TMC7: variants seen among roughly 807,000 people sequenced by gnomAD.
TMC7 encodes transmembrane channel like 7.
In TMC7, 54 loss-of-function variants were observed where a neutral mutation model predicts 82.9. That is an observed-to-expected ratio of 0.65 (90% confidence interval 0.52 to 0.82). TMC7 has a LOEUF of 0.82. Ranked by LOEUF, TMC7 falls within the 40% of genes least tolerant of loss-of-function variation. The pLI is 0.00. For missense variants in TMC7, 820 were observed against 901.2 expected (o/e 0.91, Z 1.15); for synonymous variants, 350 against 337.9 (o/e 1.04, Z -0.39).
At chr16:19,034,546 C>G (rs570550931) in intron 6 of TMC7, among the ~76,000 whole-genome samples, 2 of 151,698 alleles carry the variant, frequency 1.3e-5, no homozygotes, top group Non-Finnish European at 2.9e-5. Flanking sequence ...TGCAGTGAGC[C>G]GAGACTGCAC....
chr16:19,029,052 C>T (rs1389413742), intron 5 of TMC7, among the ~76,000 whole-genome samples: 1 of 151,458 alleles, frequency 6.6e-6, no homozygotes, highest in African/African-American at 2.4e-5. Flanking sequence ...GTCACCCAGG[C>T]TGGAGTGCAG....
rs200360239 is a variant in TMC7 at position 19,030,380 on chromosome 16, C to T, written c.857+11C>T. 435 of 1,602,384 alleles carry T rather than the reference C, an allele frequency of 2.7e-4. 1 individual carries two copies. Among genetic ancestry groups the T allele is most frequent in the Admixed American group, 3.1e-4 (18 of 57,750 alleles). Reference sequence around the variant, plus strand: ...TTGGATAGTGAAAAGGTAAAGTCTGCCTTTGCATTCTCTCTGAATTACCCC... The same window carrying T: ...TTGGATAGTGAAAAGGTAAAGTCTGTCTTTGCATTCTCTCTGAATTACCCC... On this transcript the variant is annotated intron_variant, in intron 6 of 15. Transcript: ENST00000304381.
chr16:18,986,467 A>G (rs1348057831), intron 1 of TMC7, among the ~76,000 whole-genome samples: 2 of 151,700 alleles, frequency 1.3e-5, no homozygotes, highest in African/African-American at 4.8e-5. Context: ...GAGGCAGGAG[A>G]ATCGCTTGAA....
chr16:18,992,653 T>C (rs943540233), intron 1 of TMC7, among the ~76,000 whole-genome samples: 1 of 152,244 alleles, frequency 6.6e-6, no homozygotes, highest in African/African-American at 2.4e-5. Flanking sequence ...TTTGGTGTTT[T>C]AGACATGAAG....
intron 1 of TMC7, among the ~76,000 whole-genome samples, chr16:18,985,785 TA>T (rs564073718): frequency 8.7e-5 from 13 of 148,590 alleles, no homozygotes; most frequent in African/African-American, 3.2e-4. Context: ...TAGCACTTTC[TA>T]AACAGTGACC....
At chr16:19,014,829 T>C (rs74014428) in intron 2 of TMC7, among the ~76,000 whole-genome samples, 4,515 of 152,316 alleles carry the variant, frequency 0.03, 236 homozygotes, top group African/African-American at 0.1. Flanking sequence ...CTGTTGCAGA[T>C]GGTTCATAAA....
At chr16:18,986,008 G>A (rs2038841211) in intron 1 of TMC7, among the ~76,000 whole-genome samples, 1 of 151,760 alleles carries the variant, frequency 6.6e-6, no homozygotes, top group Non-Finnish European at 1.5e-5. Context: ...GCTCCAGCCT[G>A]GGTGACAGAA....
At chr16:18,993,205 G>C (rs2038982052) in intron 1 of TMC7, among the ~76,000 whole-genome samples, 1 of 152,262 alleles carries the variant, frequency 6.6e-6, no homozygotes, top group East Asian at 1.9e-4. Context: ...TAAAGAATAG[G>C]ACTTCATCAG....
intron 5 of TMC7, among the ~76,000 whole-genome samples, chr16:19,024,592 C>T (rs1960136181): frequency 6.6e-6 from 1 of 151,658 alleles, no homozygotes; most frequent in East Asian, 1.9e-4. Flanking sequence ...TAGGATCATG[C>T]TCTGTTGCCC....
At chr16:19,041,985 T>G (rs1961034050) in intron 9 of TMC7, among the ~76,000 whole-genome samples, 1 of 152,166 alleles carries the variant, frequency 6.6e-6, no homozygotes, top group Admixed American at 6.6e-5. Flanking sequence ...TTTGTTTTTC[T>G]ATGCCCATAG....
chr16:19,009,035 TA>T (rs2039289669), intron 1 of TMC7, 136 bp from the exon 2 acceptor site: 7 of 997,714 alleles, frequency 7.0e-6, no homozygotes, highest in Non-Finnish European at 1.0e-5. Context: ...GTAAATAAAA[TA>T]AGATCAAAAT....
chr16:19,018,507 C>A lies in TMC7; in HGVS notation c.460+1909C>A, dbSNP rs1157403142. ...TCATGGGACACCACTCTCAAGACCT[C>A]ATTGAAACCTAATCACCTCCCAAAG... is the stretch of plus-strand genomic sequence containing the variant. On this transcript the variant is annotated intron_variant, in intron 3 of 15. Coordinates refer to ENST00000304381, the MANE Select transcript of TMC7 (RefSeq NM_024847.4). Among the ~76,000 whole-genome samples, 8 of 152,176 alleles carry A rather than the reference C, an allele frequency of 5.3e-5. 1 individual carries two copies. The highest frequency in any genetic ancestry group is 4.6e-4 in the Admixed American group (7 of 15,264).
At chr16:19,046,695 G>A (rs1339773464) in intron 11 of TMC7, among the ~76,000 whole-genome samples, 1 of 151,914 alleles carries the variant, frequency 6.6e-6, no homozygotes, top group Non-Finnish European at 1.5e-5. Flanking sequence ...TAGCCAATTA[G>A]CCAAGCATGC....
intron 1 of TMC7, among the ~76,000 whole-genome samples, chr16:18,998,401 A>G (rs2039081417): frequency 6.6e-6 from 1 of 152,160 alleles, no homozygotes; most frequent in Non-Finnish European, 1.5e-5. Flanking sequence ...ACCTTCTCGG[A>G]CAGACAGAAT....
At chr16:18,994,556 G>A (rs1383339354) in intron 1 of TMC7, among the ~76,000 whole-genome samples, 1 of 152,122 alleles carries the variant, frequency 6.6e-6, no homozygotes, top group Admixed American at 6.6e-5. Flanking sequence ...ACAGCTTTTA[G>A]GGCTGCTTCT....
At chr16:19,003,341 G>A (rs2039174136) in intron 1 of TMC7, among the ~76,000 whole-genome samples, 1 of 152,096 alleles carries the variant, frequency 6.6e-6, no homozygotes, top group African/African-American at 2.4e-5. Flanking sequence ...CCAGGGCAAC[G>A]GCCGCCCCTA....
At chr16:18,998,968 A>G (rs937215138) in intron 1 of TMC7, among the ~76,000 whole-genome samples, 1 of 152,096 alleles carries the variant, frequency 6.6e-6, no homozygotes. Context: ...CAGATCCGGG[A>G]GGCTACCAGG....
chr16:18,986,654 C>G (rs1334314578), intron 1 of TMC7, among the ~76,000 whole-genome samples: 2 of 152,186 alleles, frequency 1.3e-5, no homozygotes, highest in Non-Finnish European at 2.9e-5. Context: ...TCGACCCCAG[C>G]CCCTCTTTCC....
intron 5 of TMC7, among the ~76,000 whole-genome samples, chr16:19,028,133 G>A (rs1457263680): frequency 6.6e-6 from 1 of 152,042 alleles, no homozygotes; most frequent in African/African-American, 2.4e-5. Context: ...GAACCTCTAT[G>A]TATTATCTAC....
Sources: allele counts gnomAD v4.1 joint callset (sites outside exome capture counted in the v4.1 genomes callset), GRCh38; gene constraint gnomAD v4.1.1; transcripts MANE v1.5; gene names NCBI Gene and HGNC (gene_info 2026-07-23, HGNC 2026-07-21).